NRG2: variants seen among roughly 807,000 people sequenced by gnomAD.
NRG2 encodes pro-neuregulin-2, membrane-bound isoform.
A neutral mutation model predicts 73.9 loss-of-function variants in NRG2; 27 were observed. That is an observed-to-expected ratio of 0.37 (90% CI 0.27 to 0.50). The LOEUF (loss-of-function observed/expected upper bound fraction) is 0.50. NRG2 is among the 20% of genes least tolerant of loss of function. The pLI is 0.96. For synonymous variants in NRG2, 532 were observed against 541.0 expected (o/e 0.98, Z 0.23); for missense variants, 1,126 against 1,210.1 (o/e 0.93, Z 1.03).
Position 139,905,702 on chromosome 5 carries a change from AG to A in NRG2, c.701-18192del, listed in dbSNP as rs1765184529. Among the ~76,000 whole-genome samples the A allele has an allele frequency of 1.3e-5, 2 of 152,004 alleles. 1 individual carries two copies. Among genetic ancestry groups the A allele is most frequent in the Admixed American group, 1.3e-4 (2 of 15,268 alleles). On this transcript the variant is annotated intron_variant, in intron 1 of 9. Coordinates refer to ENST00000361474, the MANE Select transcript of NRG2 (RefSeq NM_004883.3). ...CTCTGGTGGGGGGGGGGCAGGTGTA[AG>A]AGACAACCCTTGTACCCCACCCCAA... is the stretch of plus-strand genomic sequence containing the variant.
In NRG2 at chr5:139,894,100, C is replaced by T. The variant is rs934124561; in HGVS notation, c.701-6589G>A. On this transcript the variant is annotated intron_variant, in intron 1 of 9. Coordinates refer to ENST00000361474, the MANE Select transcript of NRG2 (RefSeq NM_004883.3). The surrounding 1 kb of genome is among the most constrained non-coding windows in gnomAD (Gnocchi z 5.0). ...GCCAGCAGCTTAACCTCATTCCTCT[C>T]GGCAGTGGGCGGTGGGTGCGGAGCC... Among the ~76,000 whole-genome samples the T allele has an allele frequency of 2.6e-5, 4 of 152,206 alleles. No individual in the cohort carries two copies. The South Asian group carries it at 6.2e-4, about 24-fold the overall frequency.
At chr5:140,013,535 T>G (rs528749209) in intron 1 of NRG2, among the ~76,000 whole-genome samples, 1 of 152,336 alleles carries the variant, frequency 6.6e-6, no homozygotes, top group Non-Finnish European at 1.5e-5. Flanking sequence ...CTTTATATTA[T>G]GTGTATTTTA....
chr5:139,974,070 G>C (rs1756190378), intron 1 of NRG2, among the ~76,000 whole-genome samples: 1 of 151,936 alleles, frequency 6.6e-6, no homozygotes, highest in African/African-American at 2.4e-5. Flanking sequence ...TTTTTTAAAA[G>C]CAAAACTAGG....
chr5:139,968,235 G>C (rs185732608), intron 1 of NRG2, among the ~76,000 whole-genome samples: 2 of 152,196 alleles, frequency 1.3e-5, no homozygotes, highest in African/African-American at 2.4e-5. Context: ...CTGAGAAGGG[G>C]TGAGAAGGGA....
intron 1 of NRG2, among the ~76,000 whole-genome samples, chr5:139,938,883 G>GAGAGAGAGAGAGA (rs1440572917): frequency 2.1e-5 from 1 of 48,168 alleles, no homozygotes; most frequent in Non-Finnish European, 3.7e-5. Flanking sequence ...AGAGAGAGAA[G>GAGAGAGAGAGAGA]GAAAGAAAGA....
chr5:139,920,676 AC>A (rs950800158), intron 1 of NRG2, among the ~76,000 whole-genome samples: 1 of 152,176 alleles, frequency 6.6e-6, no homozygotes, highest in African/African-American at 2.4e-5. Flanking sequence ...CTTCTCTGAG[AC>A]CTCAAAGATT....
intron 1 of NRG2, among the ~76,000 whole-genome samples, chr5:139,974,227 T>A (rs1221647048): frequency 6.6e-6 from 1 of 151,174 alleles, no homozygotes; most frequent in Non-Finnish European, 1.5e-5. Context: ...CTCACTAGGG[T>A]TTTCCTCCTC....
At chr5:139,966,936 C>CA (rs1755565439) in intron 1 of NRG2, among the ~76,000 whole-genome samples, 1 of 152,004 alleles carries the variant, frequency 6.6e-6, no homozygotes, top group South Asian at 2.1e-4. Context: ...AGGAACTGCT[C>CA]AAAAAAAGGC....
At chr5:139,949,287 A>G (rs1405626008) in intron 1 of NRG2, among the ~76,000 whole-genome samples, 6 of 152,174 alleles carry the variant, frequency 3.9e-5, no homozygotes, top group African/African-American at 1.4e-4. Context: ...TGGTCATGCT[A>G]TGTACAAACT....
At position 139,852,970 on chromosome 5, in the gene NRG2, C is replaced by A; in HGVS notation, c.1350G>T (p.Gln450His). 3 of 1,613,276 alleles carry A rather than the reference C, an allele frequency of 1.9e-6. No homozygotes were observed. The highest frequency in any genetic ancestry group is 2.5e-6 in the Non-Finnish European group (3 of 1,179,730). Residue 450 changes from glutamine to histidine, a missense_variant, in exon 7 of 10, where the codon CAG becomes CAT. By Grantham distance (24) the Gln-to-His change is conservative. This residue lies in a region of NRG2 where 539 missense variants were observed against 703.2 expected (regional missense o/e 0.77). Coordinates refer to ENST00000361474, the MANE Select transcript of NRG2 (RefSeq NM_004883.3). The surrounding 1 kb of genome is among the most constrained non-coding windows in gnomAD (Gnocchi z 4.4). ...TGGGCCCATTGGCCAAGCTCCGGTT[C>A]TGATGGGCCGGGCACATGTTCTGCC... The part of the protein sequence containing the change: ...HLRQNMCPAH[Q>H]NRSLANGPSH...
intron 1 of NRG2, among the ~76,000 whole-genome samples, chr5:139,923,488 G>A (rs1378410626): frequency 1.3e-5 from 2 of 152,130 alleles, no homozygotes; most frequent in Non-Finnish European, 2.9e-5. Context: ...GCTCAGCCAC[G>A]AGTTAGCTCT....
In NRG2 at chr5:139,851,592, G is replaced by A. The variant is rs1761422790; in HGVS notation, c.1772+12C>T. On this transcript the variant is annotated intron_variant, in intron 9 of 9. Transcript: ENST00000361474. The surrounding 1 kb of genome is among the most constrained non-coding windows in gnomAD (Gnocchi z 4.2). The stretch of plus-strand genomic sequence containing the variant: ...GGCTAAGCGGGGAATAGGTCAGGGG[G>A]TAGGAACTGACCTCTCGCTGTGTGG... The A allele has an allele frequency of 6.2e-7, 1 of 1,611,988 alleles. No homozygotes were observed. The highest frequency in any genetic ancestry group is 8.5e-7 in the Non-Finnish European group (1 of 1,178,368).
intron 1 of NRG2, among the ~76,000 whole-genome samples, chr5:139,997,046 G>A (rs969117492): frequency 6.6e-6 from 1 of 152,160 alleles, no homozygotes; most frequent in Non-Finnish European, 1.5e-5. Flanking sequence ...GGAGGCTGAG[G>A]TGGGGGGATC....
chr5:139,922,888 A>G (rs974557111), intron 1 of NRG2, among the ~76,000 whole-genome samples: 26 of 152,330 alleles, frequency 1.7e-4, no homozygotes, highest in African/African-American at 6.0e-4. Flanking sequence ...ACTATAAGAC[A>G]TTCTGGAAAA....
At chr5:140,022,418 C>T (rs989607205) in intron 1 of NRG2, among the ~76,000 whole-genome samples, 3 of 152,176 alleles carry the variant, frequency 2.0e-5, no homozygotes, top group Non-Finnish European at 4.4e-5. Context: ...CACCATTTGC[C>T]ATTTCCTCAT....
chr5:139,965,421 C>A (rs1377922389), intron 1 of NRG2, among the ~76,000 whole-genome samples: 1 of 152,254 alleles, frequency 6.6e-6, no homozygotes, highest in Non-Finnish European at 1.5e-5. Flanking sequence ...TGAGGCAAGG[C>A]ATTCCCCAGC....
At chr5:139,961,367 C>A (rs1273368261) in intron 1 of NRG2, among the ~76,000 whole-genome samples, 1 of 150,402 alleles carries the variant, frequency 6.6e-6, no homozygotes, top group Admixed American at 6.6e-5. Flanking sequence ...TCCCTGCCCC[C>A]CTCCTCCCCT....
rs1751177071 is a variant in NRG2, at chr5:139,915,469, G to A, written c.701-27958C>T. On this transcript the variant is annotated intron_variant, in intron 1 of 9. Coordinates refer to ENST00000361474, the MANE Select transcript of NRG2 (RefSeq NM_004883.3). This position sits in a 1 kb window ranked among gnomAD's most constrained non-coding sequence, Gnocchi z 4.0. ...TTGGGTGGTGGCCAGGGTCCCCCAGGTCCTGCTTACATTCCACTGGTGCCT... is the reference window on the plus strand; with the variant it reads ...TTGGGTGGTGGCCAGGGTCCCCCAGATCCTGCTTACATTCCACTGGTGCCT... Among the ~76,000 whole-genome samples the A allele has an allele frequency of 6.6e-6, 1 of 152,174 alleles. No homozygotes were observed. The highest frequency in any genetic ancestry group is 1.5e-5 in the Non-Finnish European group (1 of 68,024).
chr5:139,958,663 A>G (rs1236904262), intron 1 of NRG2, among the ~76,000 whole-genome samples: 1 of 152,246 alleles, frequency 6.6e-6, no homozygotes, highest in Non-Finnish European at 1.5e-5. Flanking sequence ...AAATCCCCAA[A>G]CCATAAACTT....
Sources: allele counts gnomAD v4.1 joint callset (sites outside exome capture counted in the v4.1 genomes callset), GRCh38; gene constraint gnomAD v4.1.1; regional missense constraint gnomAD v4.1.1; non-coding constraint Gnocchi (gnomAD v3.1); transcripts MANE v1.5; gene names NCBI Gene and HGNC (gene_info 2026-07-23, HGNC 2026-07-21).